Variants in CFAP92 observed in about 807,000 individuals in gnomAD.
CFAP92 encodes the protein cilia and flagella associated protein 92 (putative).
In CFAP92, 86 loss-of-function variants were observed where a neutral mutation model predicts 106.3. That is an observed-to-expected ratio of 0.81 (90% CI 0.68 to 0.97). The LOEUF is 0.97. CFAP92 is among the 50% of genes least tolerant of loss of function. The pLI is 0.00. For synonymous variants in CFAP92, 477 were observed against 506.4 expected (o/e 0.94, Z 0.78); for missense variants, 1,204 against 1,283.8 (o/e 0.94, Z 0.95).
In CFAP92 at chr3:128,978,147, C is replaced by A. The variant is rs764100073; in HGVS notation, c.706G>T (p.Glu236Ter). The change falls in exon 5 of 16, where the codon GAA becomes TAA. Residue 236 changes from glutamate (E) to a stop codon, truncating the protein, a stop_gained. Coordinates refer to ENST00000645291, the MANE Select transcript of CFAP92 (RefSeq NM_001394090.1). LOFTEE classifies it high-confidence loss of function. ...HLVLNQRKLS[E>*]QGIENTNIVR... is the part of the protein sequence containing the mutation. Reference sequence around the variant, plus strand: ...ATGTTGGTATTCTCAATGCCCTGTTCAGATAATTTTCTCTGATTTAAAACC... The same window carrying A: ...ATGTTGGTATTCTCAATGCCCTGTTAAGATAATTTTCTCTGATTTAAAACC... 1 of 1,613,852 alleles carries A rather than the reference C, an allele frequency of 6.2e-7. No homozygotes were observed. The highest frequency in any genetic ancestry group is 8.5e-7 in the Non-Finnish European group (1 of 1,179,822).
intron 9 of CFAP92, among the ~76,000 whole-genome samples, chr3:128,956,647 T>C (rs1392177004): frequency 6.6e-6 from 1 of 151,654 alleles, no homozygotes; most frequent in Admixed American, 6.6e-5. Context: ...GAAACTGTAG[T>C]GGTAAGAAGA....
chr3:128,997,817 T>C (rs374877742), upstream of CFAP92, among the ~76,000 whole-genome samples: 72 of 152,326 alleles, frequency 4.7e-4, 1 homozygote, highest in South Asian at 0.015. Flanking sequence ...CTTGGGTCGA[T>C]ATCTAGGAGT....
At chr3:128,986,030 T>C (rs1047277631) in intron 4 of CFAP92, among the ~76,000 whole-genome samples, 1 of 151,804 alleles carries the variant, frequency 6.6e-6, no homozygotes, top group Admixed American at 6.6e-5. Flanking sequence ...GTGCCAAGAG[T>C]AAGAAACCCT....
chr3:128,973,664 A>AAG (rs1296972668), intron 7 of CFAP92, among the ~76,000 whole-genome samples: 1 of 151,894 alleles, frequency 6.6e-6, no homozygotes, highest in African/African-American at 2.4e-5. Flanking sequence ...CTCAAGAAAA[A>AAG]AAAAAAAAAA....
At chr3:128,970,521 G>C (rs768308155) in intron 8 of CFAP92, 3 of 151,854 alleles carry the variant, frequency 2.0e-5, no homozygotes, top group Admixed American at 6.6e-5. Flanking sequence ...AAAAAAAAAG[G>C]GGGGGAGTTC....
At position 128,910,754 on chromosome 3, in the gene CFAP92, A is replaced by G. The variant is rs775299800; in HGVS notation, c.3281-421T>C. On this transcript the variant is annotated intron_variant, in intron 15 of 15. Coordinates refer to ENST00000645291, the MANE Select transcript of CFAP92 (RefSeq NM_001394090.1). ...CGGTTCTGGCAGGTTCTCTTGGCCA[A>G]CACCTTCTGCGTGGAAGCTTACTTG... The G allele has an allele frequency of 8.7e-6, 14 of 1,614,072 alleles. 1 individual carries two copies. Among genetic ancestry groups the G allele is most frequent in the Middle Eastern group, 1.6e-4 (1 of 6,084 alleles).
At chr3:129,017,715 G>A in the CFAP92 span, among the ~76,000 whole-genome samples, 10 of 150,684 alleles carry the variant, frequency 6.6e-5, no homozygotes, top group Non-Finnish European at 1.3e-4. Flanking sequence ...TGCATTTCAA[G>A]GGACTTGTGT....
intron 12 of CFAP92, among the ~76,000 whole-genome samples, chr3:128,926,670 T>A (rs571962790): frequency 1.3e-4 from 20 of 152,302 alleles, no homozygotes; most frequent in Admixed American, 1.2e-3. Flanking sequence ...GGACTGAATG[T>A]CTTCACCCTC....
At chr3:128,998,350 G>A (rs574271739), upstream of CFAP92, among the ~76,000 whole-genome samples, 8 of 152,164 alleles carry the variant, frequency 5.3e-5, no homozygotes, top group South Asian at 6.2e-4. Flanking sequence ...ATTTGGTGTC[G>A]TATCTAAGAA....
At chr3:128,972,518 A>C (rs963131107) in intron 7 of CFAP92, among the ~76,000 whole-genome samples, 3 of 151,970 alleles carry the variant, frequency 2.0e-5, no homozygotes, top group Admixed American at 6.5e-5. Flanking sequence ...CTAGGATTAC[A>C]GGTGTAAGCC....
Position 128,910,101 on chromosome 3 carries a change from G to T in CFAP92, c.*198C>A, listed in dbSNP as rs771433168. The T allele has an allele frequency of 8.3e-5, 134 of 1,613,578 alleles. No individual in the cohort carries two copies. The highest frequency in any genetic ancestry group is 1.1e-4 in the Non-Finnish European group (125 of 1,180,010). ...TGTATGGCATGACGGCCGTGCTGTC[G>T]CGGGCCAGCCGCTCCATCCGCATTG... On this transcript the variant is annotated 3_prime_UTR_variant, in exon 16 of 16. Transcript: ENST00000645291.
the CFAP92 span, among the ~76,000 whole-genome samples, chr3:129,019,173 T>C: frequency 3.7e-3 from 560 of 152,350 alleles, 6 homozygotes; most frequent in African/African-American, 0.012. Flanking sequence ...CTTTTGGCTT[T>C]ATGATTTTTG....
In CFAP92 at chr3:128,993,157, G is replaced by C. The variant is rs1359587654; in HGVS notation, c.148C>G (p.Arg50Gly). ...KARAQESDSD[R>G]PCSSIESSSE... ...GAGGACTCGATGCTGCTGCACGGGC[G>C]GTCAGAGTCAGACTCCTGGGCCCTG... Residue 50 changes from arginine (R) to glycine (G), a missense_variant, in exon 2 of 16, where the codon CGC becomes GGC. Transcript: ENST00000645291. 4.3e-6 allele frequency: 7 copies of C among 1,613,948 alleles called. No homozygotes were observed. The highest frequency in any genetic ancestry group is 3.3e-5 in the Admixed American group (2 of 60,012).
chr3:128,933,062 C>T, intron 11 of CFAP92, 65 bp from the exon 12 acceptor site: 2 of 1,409,750 alleles, frequency 1.4e-6, no homozygotes, highest in Non-Finnish European at 1.9e-6. Context: ...TAATCACTCC[C>T]ATCCTACAGC....
chr3:128,987,620 C>A lies in CFAP92; in HGVS notation c.663G>T (p.Lys221Asn). Residue 221 changes from lysine (K) to asparagine (N), a missense_variant, in exon 4 of 16, where the codon AAG (lysine) becomes AAT (asparagine). Physicochemically the swap from Lys to Asn is moderately conservative, Grantham distance 94. Transcript: ENST00000645291. ...TTTCAAATAAAACCAGAGCACCTGA[C>A]TTATGAAAAGCTCCCACGTCGTCTG... ...GFTDDVGAFHKSEVRHLVLNQ... is the reference protein window; with the variant it reads ...GFTDDVGAFHNSEVRHLVLNQ... 1 of 1,613,810 alleles carries A rather than the reference C, an allele frequency of 6.2e-7. No individual in the cohort carries two copies. Among genetic ancestry groups the A allele is most frequent in the Middle Eastern group, 1.7e-4 (1 of 6,060 alleles).
chr3:128,998,638 T>C (rs1296246982), upstream of CFAP92, among the ~76,000 whole-genome samples: 2 of 152,206 alleles, frequency 1.3e-5, no homozygotes, highest in East Asian at 1.9e-4. Context: ...GTATGGTTTT[T>C]GCGGAGAAAA....
At chr3:128,933,866 C>A (rs920233694) in intron 11 of CFAP92, among the ~76,000 whole-genome samples, 6 of 152,158 alleles carry the variant, frequency 3.9e-5, no homozygotes. Context: ...TTAGCCCCGA[C>A]CAAGTTCTTT....
At chr3:129,025,815 C>T in the CFAP92 span, among the ~76,000 whole-genome samples, 1 of 152,228 alleles carries the variant, frequency 6.6e-6, no homozygotes, top group African/African-American at 2.4e-5. Context: ...TTGGAAAATT[C>T]CAAAGAGTGT....
At chr3:128,941,373 T>C (rs1354576803) in intron 10 of CFAP92, among the ~76,000 whole-genome samples, 2 of 148,654 alleles carry the variant, frequency 1.3e-5, no homozygotes, top group Admixed American at 6.6e-5. Context: ...GCAACAACTA[T>C]AGTTATGTCT....
Sources: allele counts gnomAD v4.1 joint callset (sites outside exome capture counted in the v4.1 genomes callset), GRCh38; gene constraint gnomAD v4.1.1; transcripts MANE v1.5; gene names NCBI Gene and HGNC (gene_info 2026-07-23, HGNC 2026-07-21).